Variants in ARFGEF3 observed in about 807,000 individuals in gnomAD.
ARFGEF3 encodes ARFGEF family member 3, also known as brefeldin A-inhibited guanine nucleotide-exchange protein 3.
Under a neutral mutation model 221.7 loss-of-function variants are expected in ARFGEF3, and 96 were observed. The observed-to-expected ratio is 0.43, with a 90% CI of 0.37 to 0.51. The LOEUF (loss-of-function observed/expected upper bound fraction) is 0.51, where lower values mean the gene tolerates loss of function less well. ARFGEF3 is among the 20% of genes least tolerant of loss of function. ARFGEF3 has a pLI of 0.00. For missense variants in ARFGEF3, 2,410 were observed against 2,789.9 expected, an observed-to-expected ratio of 0.86 and a Z score of 3.07; for synonymous variants, 1,145 against 1,126.8, an observed-to-expected ratio of 1.02 and a Z score of -0.32.
chr6:138,309,171 T>C (rs1160836311), intron 24 of ARFGEF3, among the ~76,000 whole-genome samples: 6 of 152,196 alleles, frequency 3.9e-5, no homozygotes, highest in Non-Finnish European at 8.8e-5. Flanking sequence ...TTGTAAAAGG[T>C]TCTCGGGCTC....
At chr6:138,270,827 T>C (rs1778991063) in intron 12 of ARFGEF3, among the ~76,000 whole-genome samples, 1 of 151,998 alleles carries the variant, frequency 6.6e-6, no homozygotes. Context: ...AGAGGCGGAA[T>C]AGAGGGAATG....
intron 2 of ARFGEF3, among the ~76,000 whole-genome samples, chr6:138,177,184 G>C (rs894082993): frequency 1.5e-4 from 23 of 151,900 alleles, no homozygotes; most frequent in African/African-American, 5.6e-4. Context: ...CTGCCTCCCA[G>C]ATTCAAGCAA....
At chr6:138,190,799 C>T (rs1370541708) in intron 2 of ARFGEF3, among the ~76,000 whole-genome samples, 2 of 152,298 alleles carry the variant, frequency 1.3e-5, no homozygotes, top group South Asian at 4.1e-4. Flanking sequence ...GAAGATTAAA[C>T]CTTTTCAATA....
At chr6:138,279,671 T>G (rs1401032591) in intron 13 of ARFGEF3, among the ~76,000 whole-genome samples, 1 of 152,226 alleles carries the variant, frequency 6.6e-6, no homozygotes, top group Non-Finnish European at 1.5e-5. Flanking sequence ...TCTGCTTCTG[T>G]TGGGGCTCCT....
intron 29 of ARFGEF3, 82 bp from the exon 30 acceptor site, chr6:138,323,589 C>A: frequency 2.3e-6 from 3 of 1,304,348 alleles, no homozygotes; most frequent in Non-Finnish European, 3.3e-6. Flanking sequence ...CCAGGCTGGG[C>A]AACAAGAGCA....
Position 138,262,785 on chromosome 6 carries a change from G to A in ARFGEF3, c.1302G>A (p.Leu434=). 3 of 1,614,014 alleles carry A rather than the reference G, an allele frequency of 1.9e-6. No individual in the cohort carries two copies. The highest frequency in any genetic ancestry group is 1.7e-6 in the Non-Finnish European group (2 of 1,179,890). ...YAAVSCVCTL[L]GALDELSQGK... is the part of the protein sequence containing the mutation. ...CCGTGTCCTGTGTCTGCACCTTGCT[G>A]GGTGCCCTGGATGAGCTCAGCCAGG... is the stretch of plus-strand genomic sequence containing the variant. Residue 434 remains leucine (L), a synonymous_variant, in exon 12 of 34, where the codon CTG becomes CTA. Transcript: ENST00000251691.
At chr6:138,182,771 T>TA (rs958172464) in intron 2 of ARFGEF3, among the ~76,000 whole-genome samples, 4 of 152,176 alleles carry the variant, frequency 2.6e-5, no homozygotes, top group Non-Finnish European at 5.9e-5. Context: ...TAACAATTGA[T>TA]ATGGTTTTTT....
intron 3 of ARFGEF3, among the ~76,000 whole-genome samples, chr6:138,207,541 G>A (rs1054561543): frequency 2.0e-5 from 3 of 152,000 alleles, no homozygotes; most frequent in South Asian, 2.1e-4. Context: ...TTTATTCCAC[G>A]GTTAGATTGA....
intron 4 of ARFGEF3, among the ~76,000 whole-genome samples, chr6:138,224,576 A>G (rs1222869715): frequency 6.6e-6 from 1 of 152,230 alleles, no homozygotes; most frequent in Non-Finnish European, 1.5e-5. Flanking sequence ...GTTCCACTGA[A>G]ACTGTGAGGC....
At chr6:138,195,439 T>A (rs1034776235) in intron 2 of ARFGEF3, among the ~76,000 whole-genome samples, 1 of 152,146 alleles carries the variant, frequency 6.6e-6, no homozygotes, top group Admixed American at 6.6e-5. Context: ...TTCCAATCTC[T>A]CCCCCTCTCC....
At chr6:138,274,971 G>A (rs923416446) in intron 12 of ARFGEF3, among the ~76,000 whole-genome samples, 4 of 150,962 alleles carry the variant, frequency 2.6e-5, no homozygotes, top group African/African-American at 9.7e-5. Context: ...GCTGGGTGCG[G>A]TGGCACATGC....
rs768946669 is a variant in ARFGEF3 at position 138,218,001 on chromosome 6, G to A, written c.351+7960G>A. 3.7e-6 allele frequency: 6 copies of A among 1,611,084 alleles called. No individual in the cohort carries two copies. In the East Asian group the frequency reaches 8.9e-5, roughly 24 times the overall value. On this transcript the variant is annotated intron_variant, in intron 4 of 33. Coordinates refer to ENST00000251691, the MANE Select transcript of ARFGEF3 (RefSeq NM_020340.5). ...AGGGCTGAGAGTTTATATGATCTGT[G>A]GATGTATAGTTTTGGATAAGTAGAG...
chr6:138,288,158 C>T (rs1434591483), intron 17 of ARFGEF3, among the ~76,000 whole-genome samples: 2 of 152,140 alleles, frequency 1.3e-5, no homozygotes, highest in African/African-American at 2.4e-5. Flanking sequence ...TCGAGGAAAG[C>T]GGATCACTTG....
chr6:138,344,308 AG>A lies in ARFGEF3; in HGVS notation c.*7823del. ...CAACCCCATTCACCAGGAGCCTTGA[AG>A]CATTTTGTTTACTCCAAAGGCCTTG... On this transcript the variant is annotated 3_prime_UTR_variant, in exon 34 of 34. Transcript: ENST00000251691. 1 of 152,296 alleles carries A rather than the reference AG, an allele frequency of 6.6e-6. No homozygotes were observed. The allele number at this position is 152,296 out of a possible 1,614,324, so 9.4% of individuals were successfully genotyped here.
At chr6:138,171,319 A>G (rs929337007) in intron 2 of ARFGEF3, among the ~76,000 whole-genome samples, 4 of 152,044 alleles carry the variant, frequency 2.6e-5, no homozygotes, top group African/African-American at 2.4e-5. Context: ...ATGGAAGTCC[A>G]TGGTAAAAGG....
At chr6:138,313,442 G>T (rs3817832) in intron 25 of ARFGEF3, among the ~76,000 whole-genome samples, 26,992 of 152,146 alleles carry the variant, frequency 0.18, 2,783 homozygotes, top group Admixed American at 0.26. Context: ...TTCTCAGTGA[G>T]CCCCACAGAA....
chr6:138,181,498 C>T (rs1777078462), intron 2 of ARFGEF3, among the ~76,000 whole-genome samples: 1 of 152,194 alleles, frequency 6.6e-6, no homozygotes, highest in Non-Finnish European at 1.5e-5. Context: ...GGCTGGAGTA[C>T]AGTGGTGTGA....
At chr6:138,235,929 A>G (rs1778278206) in intron 5 of ARFGEF3, among the ~76,000 whole-genome samples, 1 of 152,230 alleles carries the variant, frequency 6.6e-6, no homozygotes, top group African/African-American at 2.4e-5. Context: ...TTTTCCCTGA[A>G]TAAAATGCTT....
Position 138,341,235 on chromosome 6 carries a change from A to T in ARFGEF3, c.*4749A>T, listed in dbSNP as rs1035594965. 6.5e-5 allele frequency: 10 copies of T among 154,566 alleles called. No individual in the cohort carries two copies. The highest frequency in any genetic ancestry group is 1.7e-4 in the African/African-American group (7 of 41,512). 9.6% of individuals were successfully genotyped at this position (154,566 alleles called of 1,614,324 possible). A position where few individuals can be genotyped will look rare whatever the true frequency, so the allele number is the denominator to read the frequency against. On this transcript the variant is annotated 3_prime_UTR_variant, in exon 34 of 34. Coordinates refer to ENST00000251691, the MANE Select transcript of ARFGEF3 (RefSeq NM_020340.5). ...CTTGCTTCTCTGGGAAATACATGGT[A>T]CTAAATTAGTAGCACAAAGTTTGGG...
Sources: allele counts gnomAD v4.1 joint callset (sites outside exome capture counted in the v4.1 genomes callset), GRCh38; gene constraint gnomAD v4.1.1; transcripts MANE v1.5; gene names NCBI Gene and HGNC (gene_info 2026-07-23, HGNC 2026-07-21).